The following FAM156A variants were observed in gnomAD, a reference collection of about 807,000 sequenced individuals.
FAM156A encodes the protein family with sequence similarity 156 member A.
intron 1 of FAM156A, among the ~76,000 whole-genome samples, chrX:52,978,643 G>A (rs986350314): frequency 2.7e-5 from 3 of 112,694 alleles, no homozygotes; most frequent in Non-Finnish European, 5.6e-5. Context: ...GCATGGGACT[G>A]CACAGGCAAT....
At chrX:52,974,760 T>G (rs1230771730) in intron 1 of FAM156A, among the ~76,000 whole-genome samples, 7 of 110,830 alleles carry the variant, frequency 6.3e-5, no homozygotes, top group African/African-American at 1.6e-4. Context: ...CCAGGGAGGT[T>G]GCAAAACATC....
intron 1 of FAM156A, among the ~76,000 whole-genome samples, chrX:52,991,904 G>A (rs1930803530): frequency 9.3e-6 from 1 of 108,033 alleles, no homozygotes; most frequent in African/African-American, 3.4e-5. Flanking sequence ...CCTGTGAGGA[G>A]GGAAAGTTAG....
intron 1 of FAM156A, among the ~76,000 whole-genome samples, chrX:52,977,519 C>T (rs909442414): frequency 1.2e-4 from 13 of 111,749 alleles, no homozygotes; most frequent in Admixed American, 1.9e-4. Flanking sequence ...TCACTGCAGC[C>T]TTGACTTCCT....
chrX:52,985,220 A>G (rs1392345590), intron 1 of FAM156A, among the ~76,000 whole-genome samples: 14 of 109,577 alleles, frequency 1.3e-4, no homozygotes, highest in African/African-American at 4.6e-4. Flanking sequence ...CAAAATAGGA[A>G]AAAAAAAAAA....
At chrX:52,977,294 C>T (rs782490415) in intron 1 of FAM156A, among the ~76,000 whole-genome samples, 2 of 109,000 alleles carry the variant, frequency 1.8e-5, no homozygotes, top group Non-Finnish European at 3.8e-5. Context: ...CTCCCTGCCC[C>T]GCACACCTTC....
intron 1 of FAM156A, among the ~76,000 whole-genome samples, chrX:52,975,981 A>G (rs1929438786): frequency 9.0e-6 from 1 of 110,549 alleles, no homozygotes; most frequent in South Asian, 3.8e-4. Flanking sequence ...TTCCATCCAC[A>G]CCACCCTGCC....
chrX:52,990,217 T>C (rs1930595781), intron 1 of FAM156A, among the ~76,000 whole-genome samples: 2 of 111,449 alleles, frequency 1.8e-5, no homozygotes, highest in Non-Finnish European at 1.9e-5. Context: ...GGAGATGAGA[T>C]GCCCCCTGCT....
rs1406793975 is a variant in FAM156A at position 52,980,780 on chromosome X, CTCTGTG to C, written c.-434+14520_-434+14525del. ...GTAAGCAGCCTTTTGGTTAGGGTTC[CTCTGTG>C]TGTGTGTGTGTGTGTGTGTGTGTGT... On this transcript the variant is annotated intron_variant, in intron 1 of 4. Coordinates refer to the FAM156A transcript ENST00000610625. Among the ~76,000 whole-genome samples, 101 of 61,834 alleles carry C rather than the reference CTCTGTG, an allele frequency of 1.6e-3. 4 individuals are homozygous for C. The Admixed American group carries it at 0.021, about 13-fold the overall frequency. The allele number at this position is 61,834 out of a possible 115,157, so 53.7% of individuals were successfully genotyped here.
In FAM156A at chrX:52,976,482, A is replaced by G. The variant is rs186339324; in HGVS notation, c.-433-12247T>C. On this transcript the variant is annotated intron_variant, in intron 1 of 4. Coordinates refer to the FAM156A transcript ENST00000610625. ...ATTAGAGAAACAGTGGCTGAGTAAT[A>G]ATAAGGAAGAAAACGCAAGTAAAAC... 9.8e-5 allele frequency among the ~76,000 whole-genome samples: 11 copies of G among 111,878 alleles called. No individual in the cohort carries two copies. The East Asian group carries it at 2.2e-3, about 23-fold the overall frequency.
chrX:52,979,332 C>A (rs782595139), intron 1 of FAM156A, among the ~76,000 whole-genome samples: 6 of 111,381 alleles, frequency 5.4e-5, no homozygotes, highest in Non-Finnish European at 9.4e-5. Flanking sequence ...CTCTCAGGGA[C>A]CACTGAACAC....
intron 1 of FAM156A, among the ~76,000 whole-genome samples, chrX:52,981,611 A>G (rs1272845988): frequency 9.0e-6 from 1 of 111,635 alleles, no homozygotes; most frequent in African/African-American, 3.3e-5. Flanking sequence ...AGGGACTGAC[A>G]GAAGGCAGTC....
chrX:52,975,490 A>G (rs782019851), intron 1 of FAM156A, among the ~76,000 whole-genome samples: 1 of 111,749 alleles, frequency 8.9e-6, no homozygotes, highest in Admixed American at 9.5e-5. Flanking sequence ...AATGTAATAG[A>G]TCACACTGGC....
At chrX:52,980,782 CTGTGTG>C (rs1156303085) in intron 1 of FAM156A, among the ~76,000 whole-genome samples, 3,966 of 38,356 alleles carry the variant, frequency 0.1, 224 homozygotes, top group Non-Finnish European at 0.12. Flanking sequence ...TAGGGTTCCT[CTGTGTG>C]TGTGTGTGTG....
intron 1 of FAM156A, among the ~76,000 whole-genome samples, chrX:52,975,781 T>C (rs1929422625): frequency 8.9e-6 from 1 of 112,281 alleles, no homozygotes; most frequent in African/African-American, 3.2e-5. Context: ...CAGCAGCGCC[T>C]TGCCAGGGCC....
chrX:52,991,460 T>A (rs782167755), intron 1 of FAM156A, among the ~76,000 whole-genome samples: 60 of 111,463 alleles, frequency 5.4e-4, no homozygotes, highest in South Asian at 7.6e-4. Flanking sequence ...ATCGGTTCAC[T>A]GATTCAAAGG....
At chrX:52,990,998 C>T (rs782574374) in intron 1 of FAM156A, among the ~76,000 whole-genome samples, 86 of 110,836 alleles carry the variant, frequency 7.8e-4, no homozygotes, top group African/African-American at 2.7e-3. Context: ...TTGACAGTCA[C>T]GGAGTTGGGT....
chrX:52,984,186 A>G (rs1185168928), intron 1 of FAM156A, among the ~76,000 whole-genome samples: 4 of 112,045 alleles, frequency 3.6e-5, no homozygotes, highest in African/African-American at 1.3e-4. Context: ...AAACCAGCCC[A>G]AGTTTCCAGG....
chrX:52,974,579 G>C (rs1556791583), intron 1 of FAM156A, among the ~76,000 whole-genome samples: 2 of 111,443 alleles, frequency 1.8e-5, no homozygotes, highest in South Asian at 7.6e-4. Flanking sequence ...GCAGAGAAAA[G>C]TGACTTTATT....
rs1000852985 is a variant in FAM156A, at chrX:52,983,576, A to G, written c.-434+11730T>C. ...TTATCTAAGCTTTGCTCCAGCCCAG[A>G]GAACTGATATAATTTTTTCCCTCCC... On this transcript the variant is annotated intron_variant, in intron 1 of 4. Transcript: ENST00000610625. Among the ~76,000 whole-genome samples, 3 of 108,325 alleles carry G rather than the reference A, an allele frequency of 2.8e-5. No individual in the cohort carries two copies. In the East Asian group the frequency reaches 8.5e-4, roughly 31 times the overall value. The allele number at this position is 108,325 out of a possible 115,157, so 94.1% of individuals were successfully genotyped here.
Sources: allele counts gnomAD v4.1 joint callset (sites outside exome capture counted in the v4.1 genomes callset), GRCh38; gene constraint gnomAD v4.1.1; transcripts MANE v1.5; gene names NCBI Gene and HGNC (gene_info 2026-07-23, HGNC 2026-07-21).